Variants in CNTNAP2 observed in about 807,000 individuals in gnomAD.
The protein encoded by CNTNAP2 is contactin associated protein 2, also known as contactin-associated protein-like 2.
Under a neutral mutation model 155.2 loss-of-function variants are expected in CNTNAP2, and 98 were observed. The observed-to-expected ratio is 0.63, with a 90% CI of 0.54 to 0.75. CNTNAP2 has a LOEUF of 0.75. Among genes scored for constraint, CNTNAP2 ranks in the 30% least tolerant of loss-of-function variants. The probability of loss-of-function intolerance (pLI) is 0.00; values close to 1 mark genes in which losing one functional copy is unlikely to be tolerated. For synonymous variants in CNTNAP2, 651 were observed against 631.2 expected (o/e 1.03, Z -0.47); for missense variants, 1,727 against 1,688.1 (o/e 1.02, Z -0.40).
intron 8 of CNTNAP2, among the ~76,000 whole-genome samples, chr7:147,249,597 T>A (rs1178415260): frequency 2.2e-5 from 1 of 45,958 alleles, no homozygotes; most frequent in Non-Finnish European, 4.2e-5. Context: ...AAGGAAGACA[T>A]TGGAGGTAAA....
chr7:146,542,308 C>G (rs148973185), intron 1 of CNTNAP2, among the ~76,000 whole-genome samples: 206 of 152,012 alleles, frequency 1.4e-3, no homozygotes, highest in African/African-American at 4.7e-3. Context: ...TATAAAACGA[C>G]TGCAATAAGA....
At chr7:146,530,626 T>C (rs553988730) in intron 1 of CNTNAP2, among the ~76,000 whole-genome samples, 1 of 152,288 alleles carries the variant, frequency 6.6e-6, no homozygotes, top group Admixed American at 6.5e-5. Context: ...TGAAAAATGC[T>C]GAACATCACT....
At chr7:147,539,886 G>C (rs186948071) in intron 11 of CNTNAP2, among the ~76,000 whole-genome samples, 2 of 152,212 alleles carry the variant, frequency 1.3e-5, no homozygotes, top group East Asian at 3.9e-4. Context: ...CCATGTGATG[G>C]CTTTATAACT....
Position 148,055,802 on chromosome 7 carries a change from T to A in CNTNAP2, c.2384-62316T>A, listed in dbSNP as rs148944645. Among the ~76,000 whole-genome samples the A allele has an allele frequency of 5.6e-3, 853 of 152,216 alleles. 4 individuals are homozygous for A. Among genetic ancestry groups the A allele is most frequent in the African/African-American group, 0.019 (789 of 41,512 alleles). ...TGCAGTAGAGACTAGTCCGTGAACATCTTTGTCCTCACCATTCCTATCGCC... is the reference window on the plus strand; with the variant it reads ...TGCAGTAGAGACTAGTCCGTGAACAACTTTGTCCTCACCATTCCTATCGCC... On this transcript the variant is annotated intron_variant, in intron 15 of 23. Transcript: ENST00000361727.
intron 20 of CNTNAP2, among the ~76,000 whole-genome samples, chr7:148,237,009 T>C (rs926311116): frequency 6.6e-6 from 1 of 152,128 alleles, no homozygotes; most frequent in Non-Finnish European, 1.5e-5. Flanking sequence ...CAACTCAACA[T>C]GAGATTTGAG....
At chr7:148,313,521 C>T (rs1046511121) in intron 21 of CNTNAP2, among the ~76,000 whole-genome samples, 25 of 152,114 alleles carry the variant, frequency 1.6e-4, no homozygotes, top group Non-Finnish European at 3.1e-4. Context: ...GTAGCAAGCT[C>T]CCGGGGGAGA....
intron 8 of CNTNAP2, among the ~76,000 whole-genome samples, chr7:147,217,883 C>A (rs1803308542): frequency 6.6e-6 from 1 of 151,838 alleles, no homozygotes; most frequent in Non-Finnish European, 1.5e-5. Context: ...ATTTTATTTT[C>A]TTTCAAGGAA....
At chr7:146,494,026 TAAA>T (rs1797176680) in intron 1 of CNTNAP2, among the ~76,000 whole-genome samples, 1 of 151,942 alleles carries the variant, frequency 6.6e-6, no homozygotes, top group Non-Finnish European at 1.5e-5. Flanking sequence ...TTGAAGTAAA[TAAA>T]AAATTTAAAA....
intron 15 of CNTNAP2, among the ~76,000 whole-genome samples, chr7:147,991,976 T>C (rs1369854292): frequency 6.6e-6 from 1 of 151,542 alleles, no homozygotes; most frequent in African/African-American, 2.4e-5. Context: ...ACTTTAAACA[T>C]AAGCTTCTTC....
intron 1 of CNTNAP2, among the ~76,000 whole-genome samples, chr7:146,263,390 G>A (rs1169400348): frequency 3.3e-5 from 5 of 152,082 alleles, no homozygotes; most frequent in Admixed American, 6.6e-5. Flanking sequence ...ACTCTTAAGC[G>A]TAGTTCCATT....
chr7:146,462,528 C>G (rs941453773), intron 1 of CNTNAP2, among the ~76,000 whole-genome samples: 1 of 152,176 alleles, frequency 6.6e-6, no homozygotes, highest in Non-Finnish European at 1.5e-5. Flanking sequence ...ATACTAATCA[C>G]TAGTTGATCT....
chr7:147,959,188 C>T (rs936889367), intron 14 of CNTNAP2, among the ~76,000 whole-genome samples: 37 of 152,228 alleles, frequency 2.4e-4, no homozygotes, highest in African/African-American at 7.0e-4. Flanking sequence ...GATTCTATTC[C>T]GTTATTTCAG....
chr7:146,570,177 G>A (rs1157685612), intron 1 of CNTNAP2, among the ~76,000 whole-genome samples: 1 of 151,540 alleles, frequency 6.6e-6, no homozygotes, highest in African/African-American at 2.4e-5. Context: ...GATGAAACCT[G>A]AAGTGCTTTA....
intron 16 of CNTNAP2, among the ~76,000 whole-genome samples, chr7:148,138,111 G>A (rs186909736): frequency 1.1e-4 from 16 of 152,232 alleles, no homozygotes; most frequent in Admixed American, 5.9e-4. Flanking sequence ...GAAAACAGAC[G>A]TCCCCTTGGC....
intron 15 of CNTNAP2, among the ~76,000 whole-genome samples, chr7:148,086,978 C>T (rs1803744326): frequency 6.6e-6 from 1 of 152,160 alleles, no homozygotes; most frequent in African/African-American, 2.4e-5. Context: ...GATATATAGA[C>T]TTGGCCTGTT....
At chr7:147,435,531 C>A (rs771745183) in intron 10 of CNTNAP2, among the ~76,000 whole-genome samples, 36 of 152,238 alleles carry the variant, frequency 2.4e-4, no homozygotes, top group Non-Finnish European at 3.7e-4. Context: ...TTTCTTCATA[C>A]ACAAGAATGT....
chr7:146,400,337 T>C (rs1795696254), intron 1 of CNTNAP2, among the ~76,000 whole-genome samples: 1 of 152,150 alleles, frequency 6.6e-6, no homozygotes, highest in South Asian at 2.1e-4. Flanking sequence ...TTTTCTTCCC[T>C]GGTAGGTATT....
At chr7:147,227,485 C>G (rs1430414150) in intron 8 of CNTNAP2, among the ~76,000 whole-genome samples, 1 of 152,012 alleles carries the variant, frequency 6.6e-6, no homozygotes, top group Non-Finnish European at 1.5e-5. Context: ...AAAGGCTGAC[C>G]AGTTAGAAAA....
At chr7:147,776,962 A>G (rs949033716) in intron 13 of CNTNAP2, among the ~76,000 whole-genome samples, 1 of 151,972 alleles carries the variant, frequency 6.6e-6, no homozygotes, top group African/African-American at 2.4e-5. Flanking sequence ...TTGAAAAGTC[A>G]TACTTGAATA....
Sources: gnomAD v4.1 joint callset for allele counts (sites outside exome capture counted in the v4.1 genomes callset) on GRCh38, gnomAD v4.1.1 for gene constraint, MANE v1.5 for transcripts, NCBI Gene and HGNC (gene_info 2026-07-23, HGNC 2026-07-21) for gene names.